Variants in CEP68 observed in about 807,000 individuals in gnomAD.
CEP68 encodes centrosomal protein of 68 kDa.
A neutral mutation model predicts 55.3 loss-of-function variants in CEP68; 26 were observed. The observed-to-expected ratio is 0.47, with a 90% CI of 0.34 to 0.65. The LOEUF is 0.65. CEP68 is among the 30% of genes least tolerant of loss of function. The pLI, the probability that CEP68 is intolerant of heterozygous loss-of-function variation, is 0.01. For missense variants in CEP68, 957 were observed against 946.7 expected (o/e 1.01, Z -0.14); for synonymous variants, 402 against 383.2 (o/e 1.05, Z -0.57).
chr2:65,081,194 AGAGT>A (rs2103801562), intron 5 of CEP68, among the ~76,000 whole-genome samples: 1 of 131,506 alleles, frequency 7.6e-6, no homozygotes, highest in East Asian at 2.3e-4. Context: ...CCTGGGTGAC[AGAGT>A]GAGACTCCAT....
intron 1 of CEP68, among the ~76,000 whole-genome samples, chr2:65,067,387 G>A (rs1676245189): frequency 6.6e-6 from 1 of 151,810 alleles, no homozygotes; most frequent in South Asian, 2.1e-4. Context: ...CAGTTTCTGG[G>A]GGAACAAAAG....
chr2:65,076,909 A>C (rs1241774186), intron 4 of CEP68, among the ~76,000 whole-genome samples: 1 of 150,940 alleles, frequency 6.6e-6, no homozygotes, highest in Non-Finnish European at 1.5e-5. Flanking sequence ...CCCTGTCTCT[A>C]TTTCTGTTAA....
At chr2:65,080,402 C>T in intron 5 of CEP68, 1 of 985,382 alleles carries the variant, frequency 1.0e-6, no homozygotes, top group Non-Finnish European at 1.2e-6. Flanking sequence ...CAAAACTTAA[C>T]TTTTCTTCCG....
intron 5 of CEP68, among the ~76,000 whole-genome samples, chr2:65,081,886 G>A (rs1246093511): frequency 3.9e-5 from 6 of 152,284 alleles, no homozygotes; most frequent in Non-Finnish European, 5.9e-5. Flanking sequence ...TAGTAGAGAC[G>A]GGGTTTCTCC....
At chr2:65,063,053 G>A (rs543000670) in intron 1 of CEP68, among the ~76,000 whole-genome samples, 1 of 152,348 alleles carries the variant, frequency 6.6e-6, no homozygotes, top group African/African-American at 2.4e-5. Context: ...CAGCATATAC[G>A]AAGAAGGGTC....
rs1676837656 is a variant in CEP68, at chr2:65,077,906, GGA to G, written c.2050_2051del (p.Ser684CysfsTer32). On this transcript the variant is annotated frameshift_variant, in exon 5 of 7. Coordinates refer to ENST00000377990, the MANE Select transcript of CEP68 (RefSeq NM_015147.3). LOFTEE classifies it high-confidence loss of function. ...KDIDEHQSLT[E>X]SVLQKGEILL... ...ATATAGATGAACATCAGTCTCTGAC[GGA>G]GAGTGTCTTACAGAAGGGGGAGATT... 1 of 1,613,920 alleles carries G rather than the reference GGA, an allele frequency of 6.2e-7. No homozygotes were observed. The highest frequency in any genetic ancestry group is 8.5e-7 in the Non-Finnish European group (1 of 1,179,860).
intron 4 of CEP68, among the ~76,000 whole-genome samples, chr2:65,077,466 C>G (rs1198142725): frequency 6.6e-6 from 1 of 152,168 alleles, no homozygotes; most frequent in Non-Finnish European, 1.5e-5. Flanking sequence ...GAGGTAGAGA[C>G]AGTGGCTCCC....
rs1055676 is a variant in CEP68 at position 65,071,672 on chromosome 2, G to A, written c.576G>A (p.Gln192=). The change falls in exon 3 of 7, where the codon CAG becomes CAA. Residue 192 remains glutamine (Q), a synonymous_variant. Transcript: ENST00000377990. ...KSVLSPGSAA[Q]PSSCSISASS... is the part of the protein sequence containing the mutation. Reference sequence around the variant, plus strand: ...TGCTGAGCCCAGGTTCCGCAGCTCAGCCTTCCAGCTGCAGCATCTCTGCTT... The same window carrying A: ...TGCTGAGCCCAGGTTCCGCAGCTCAACCTTCCAGCTGCAGCATCTCTGCTT... 7.4e-3 allele frequency: 11,920 copies of A among 1,614,136 alleles called. 746 individuals are homozygous for A. In the African/African-American group the frequency reaches 0.14, roughly 19 times the overall value.
At position 65,077,876 on chromosome 2, in the gene CEP68, G is replaced by C. The variant is rs1676836233; in HGVS notation, c.2016G>C (p.Lys672Asn). Residue 672 changes from lysine (K) to asparagine (N), a missense_variant, in exon 5 of 7, where the codon AAG becomes AAC. Lys to Asn is a moderately conservative substitution (Grantham distance 94, BLOSUM62 0). Transcript: ENST00000377990. ...KSSLQLYRQF[K>N]KDIDEHQSLT... ...TTCTGATACGCCTTAAGCAATTTAA[G>C]AAAGATATAGATGAACATCAGTCTC... The C allele has an allele frequency of 8.7e-6, 14 of 1,611,244 alleles. No homozygotes were observed. Among genetic ancestry groups the C allele is most frequent in the Non-Finnish European group, 1.2e-5 (14 of 1,178,742 alleles).
Position 65,082,553 on chromosome 2 carries a change from G to T in CEP68, c.2122G>T (p.Gly708Trp). The T allele has an allele frequency of 6.3e-7, 1 of 1,579,542 alleles. No homozygotes were observed. Among genetic ancestry groups the T allele is most frequent in the Non-Finnish European group, 8.6e-7 (1 of 1,168,036 alleles). ...ENTPVLEDVL[G>W]RIAKQSGELE... ...ATTGTTAGTTTTAGAGGATGTCCTTGGGAGGATCGCAAAGCAGTCTGGTGA... is the reference window on the plus strand; with the variant it reads ...ATTGTTAGTTTTAGAGGATGTCCTTTGGAGGATCGCAAAGCAGTCTGGTGA... Residue 708 changes from glycine (G) to tryptophan (W), a missense_variant, in exon 6 of 7, where the codon GGG becomes TGG. Coordinates refer to ENST00000377990, the MANE Select transcript of CEP68 (RefSeq NM_015147.3).
chr2:65,076,173 A>T (rs1266731278), intron 4 of CEP68, among the ~76,000 whole-genome samples: 2 of 152,264 alleles, frequency 1.3e-5, no homozygotes, highest in African/African-American at 2.4e-5. Context: ...AGGGTCCTGT[A>T]TGCAGACTCC....
chr2:65,074,439 A>G (rs1676662812), intron 4 of CEP68, 35 bp downstream of exon 4: 1 of 1,613,742 alleles, frequency 6.2e-7, no homozygotes, highest in African/African-American at 1.3e-5. Context: ...TTGTTCCCTC[A>G]CAAGAGTGTG....
chr2:65,075,419 C>CT (rs1174159804), intron 4 of CEP68, among the ~76,000 whole-genome samples: 3 of 152,058 alleles, frequency 2.0e-5, no homozygotes, highest in Admixed American at 2.0e-4. Context: ...AACAAAAACT[C>CT]TGACGTCAGT....
Position 65,086,957 on chromosome 2 carries a change from T to G in CEP68, c.*3323T>G, listed in dbSNP as rs1038498808. ...TATCTTACCACTTATTTTTGTACCA[T>G]GTATTTCAATTGCCTGTTTAGTGAA... On this transcript the variant is annotated 3_prime_UTR_variant, in exon 7 of 7. Coordinates refer to ENST00000377990, the MANE Select transcript of CEP68 (RefSeq NM_015147.3). 1 of 152,630 alleles carries G rather than the reference T, an allele frequency of 6.6e-6. No individual in the cohort carries two copies. The highest frequency in any genetic ancestry group is 6.5e-5 in the Admixed American group (1 of 15,288). 9.5% of individuals were successfully genotyped at this position (152,630 alleles called of 1,614,324 possible). A position where few individuals can be genotyped will look rare whatever the true frequency, so the allele number is the denominator to read the frequency against.
chr2:65,061,848 C>G (rs1675927638), intron 1 of CEP68, among the ~76,000 whole-genome samples: 1 of 152,250 alleles, frequency 6.6e-6, no homozygotes, highest in Non-Finnish European at 1.5e-5. Context: ...ACCTCCCATG[C>G]CTGCTTGGCC....
intron 5 of CEP68, chr2:65,080,133 CAAAA>C: frequency 1.7e-5 from 9 of 535,504 alleles, no homozygotes; most frequent in African/African-American, 2.2e-5. Context: ...AATTCCTTCT[CAAAA>C]AAAAAAAAGG....
At chr2:65,071,066 T>A (rs1676436792) in intron 2 of CEP68, 1 of 224,400 alleles carries the variant, frequency 4.5e-6, no homozygotes, top group East Asian at 1.1e-4. Context: ...GGCGACCTCC[T>A]GGGTTTGGAC....
intron 1 of CEP68, among the ~76,000 whole-genome samples, chr2:65,059,362 CTTAAATT>C (rs1675804214): frequency 6.6e-6 from 1 of 152,142 alleles, no homozygotes; most frequent in South Asian, 2.1e-4. Context: ...ATTGGTTTCT[CTTAAATT>C]ATTTCCAGTT....
chr2:65,069,592 G>T lies in CEP68; in HGVS notation c.148G>T (p.Gly50Trp). 1 of 1,613,936 alleles carries T rather than the reference G, an allele frequency of 6.2e-7. No individual in the cohort carries two copies. Among genetic ancestry groups the T allele is most frequent in the Non-Finnish European group, 8.5e-7 (1 of 1,179,872 alleles). Reference sequence around the variant, plus strand: ...GCCCCCACGCCTGGAAGCTGAGGGAGGGCTCATCTCCCCTGTATGGGGGGC... The same window carrying T: ...GCCCCCACGCCTGGAAGCTGAGGGATGGCTCATCTCCCCTGTATGGGGGGC... ...EQPPRLEAEG[G>W]LISPVWGAEG... The change falls in exon 2 of 7, where the codon GGG becomes TGG. Residue 50 changes from glycine (G) to tryptophan (W), a missense_variant. Transcript: ENST00000377990.
Sources: allele counts gnomAD v4.1 joint callset (sites outside exome capture counted in the v4.1 genomes callset), GRCh38; gene constraint gnomAD v4.1.1; transcripts MANE v1.5; gene names NCBI Gene and HGNC (gene_info 2026-07-23, HGNC 2026-07-21).